PALS2: variants seen among roughly 807,000 people sequenced by gnomAD.
PALS2 encodes protein associated with LIN7 2, MAGUK p55 family member, also known as protein PALS2.
A neutral mutation model predicts 61.6 loss-of-function variants in PALS2; 27 were observed. That is an observed-to-expected ratio of 0.44 (90% confidence interval 0.32 to 0.60). PALS2 has a LOEUF of 0.60. PALS2 is among the 20% of genes least tolerant of loss of function. PALS2 has a pLI of 0.05. For missense variants in PALS2, 554 were observed against 639.4 expected (o/e 0.87, Z 1.44); for synonymous variants, 236 against 218.6 (o/e 1.08, Z -0.70).
intron 3 of PALS2, among the ~76,000 whole-genome samples, chr7:24,642,861 T>A (rs1296232348): frequency 3.3e-5 from 5 of 152,142 alleles, no homozygotes; most frequent in African/African-American, 1.2e-4. Flanking sequence ...ATTTGGACTT[T>A]ATCGTAAGGA....
chr7:24,651,139 T>C (rs1786130788), intron 5 of PALS2, among the ~76,000 whole-genome samples: 1 of 152,124 alleles, frequency 6.6e-6, no homozygotes, highest in Non-Finnish European at 1.5e-5. Flanking sequence ...AGAGGATGGG[T>C]ATAAAGAAAA....
intron 2 of PALS2, among the ~76,000 whole-genome samples, chr7:24,640,200 A>G (rs1785452315): frequency 6.7e-6 from 1 of 149,854 alleles, no homozygotes; most frequent in Admixed American, 6.6e-5. Flanking sequence ...GTTTAGTAAG[A>G]GTTTTTTCTT....
In PALS2 at chr7:24,581,176, C is replaced by T. The variant is rs529539085; in HGVS notation, c.-3+7583C>T. Among the ~76,000 whole-genome samples, 6 of 152,048 alleles carry T rather than the reference C, an allele frequency of 3.9e-5. No homozygotes were observed. The East Asian group carries it at 7.7e-4, about 20-fold the overall frequency. ...GTGGCTTCTGGCATTCCTTGGCTTG[C>T]GGCTACACACTGCAGTCTTCAAGGC... is the stretch of plus-strand genomic sequence containing the variant. On this transcript the variant is annotated intron_variant, in intron 1 of 11. Coordinates refer to ENST00000222644, the MANE Select transcript of PALS2 (RefSeq NM_001303037.2).
chr7:24,665,618 G>A lies in PALS2; in HGVS notation c.814G>A (p.Gly272Ser). 6.2e-7 allele frequency: 1 copy of A among 1,613,682 alleles called. No homozygotes were observed. The change falls in exon 7 of 12, where the codon GGT becomes AGT. Residue 272 changes from glycine (G) to serine (S), a missense_variant. Transcript: ENST00000222644. The part of the protein sequence containing the change: ...ASHVKEGGSA[G>S]LIPSQFLEEK... Reference sequence around the variant, plus strand: ...CCATGTAAAAGAGGGAGGAAGCGCTGGTCTCATTCCAAGCCAGTTCCTGGA... The same window carrying A: ...CCATGTAAAAGAGGGAGGAAGCGCTAGTCTCATTCCAAGCCAGTTCCTGGA...
intron 8 of PALS2, 68 bp from the exon 9 acceptor site, chr7:24,668,431 A>G: frequency 7.1e-7 from 1 of 1,415,142 alleles, no homozygotes; most frequent in Non-Finnish European, 9.7e-7. Flanking sequence ...ATTACTAGAC[A>G]GAATTGCAGA....
chr7:24,613,048 G>A (rs2128052733), intron 1 of PALS2, among the ~76,000 whole-genome samples: 1 of 151,794 alleles, frequency 6.6e-6, no homozygotes, highest in African/African-American at 2.4e-5. Flanking sequence ...GCATTGAGAT[G>A]AGTTTGGGTT....
rs923927916 is a variant in PALS2 at position 24,674,450 on chromosome 7, A to G, written c.1115-4681A>G. 3 of 153,092 alleles carry G rather than the reference A, an allele frequency of 2.0e-5. No individual in the cohort carries two copies. The East Asian group carries it at 5.8e-4, about 29-fold the overall frequency. 9.5% of individuals were successfully genotyped at this position (153,092 alleles called of 1,614,324 possible). A position where few individuals can be genotyped will look rare whatever the true frequency, so the allele number is the denominator to read the frequency against. On this transcript the variant is annotated intron_variant, in intron 9 of 11. Transcript: ENST00000222644. Reference sequence around the variant, plus strand: ...CTTTTTCCCATCAGTAGCTTTTAAGACAATTATCAAGGGCTTAAAGCCCTC... The same window carrying G: ...CTTTTTCCCATCAGTAGCTTTTAAGGCAATTATCAAGGGCTTAAAGCCCTC...
chr7:24,612,092 A>G (rs370353611), intron 1 of PALS2, among the ~76,000 whole-genome samples: 2 of 151,936 alleles, frequency 1.3e-5, no homozygotes, highest in African/African-American at 4.8e-5. Context: ...ATACTTTTGA[A>G]TATTTTTGTA....
intron 3 of PALS2, among the ~76,000 whole-genome samples, chr7:24,645,035 G>A (rs1298753542): frequency 2.0e-5 from 3 of 152,034 alleles, no homozygotes; most frequent in Non-Finnish European, 4.4e-5. Flanking sequence ...CTGGATACTA[G>A]ACATTTGTCA....
rs891690426 is a variant in PALS2, at chr7:24,690,135, A to G, written c.*2521A>G. 2.0e-5 allele frequency: 3 copies of G among 152,202 alleles called. No homozygotes were observed. The highest frequency in any genetic ancestry group is 2.1e-4 in the South Asian group (1 of 4,824). The allele number at this position is 152,202 out of a possible 1,614,324, so 9.4% of individuals were successfully genotyped here. On this transcript the variant is annotated 3_prime_UTR_variant, in exon 12 of 12. Transcript: ENST00000222644. ...AAAATGAAATGATGCAGTTTAGTTC[A>G]TTTCAGTCTAGATGCCCGTACTAAC...
At chr7:24,591,010 C>T (rs1196033192) in intron 1 of PALS2, among the ~76,000 whole-genome samples, 1 of 152,018 alleles carries the variant, frequency 6.6e-6, no homozygotes, top group African/African-American at 2.4e-5. Flanking sequence ...TTCTGGTTTG[C>T]TAATCTCTTT....
chr7:24,691,389 A>ATGTGTGTGTGTGTGTGTGTG lies in PALS2; in HGVS notation c.*3792_*3793insGTGTGTGTGTGTGTGTGTGT, dbSNP rs143537632. 2.2e-4 allele frequency: 19 copies of ATGTGTGTGTGTGTGTGTGTG among 87,694 alleles called. No individual in the cohort carries two copies. The highest frequency in any genetic ancestry group is 5.4e-4 in the African/African-American group (12 of 22,396). 5.4% of individuals were successfully genotyped at this position (87,694 alleles called of 1,614,324 possible). A position where few individuals can be genotyped will look rare whatever the true frequency, so the allele number is the denominator to read the frequency against. ...ATGTTCGAGTTGCCATATATTATGTATGTGTGTGTGTGTGTGTATATATAT... is the reference window on the plus strand; with the variant it reads ...ATGTTCGAGTTGCCATATATTATGTATGTGTGTGTGTGTGTGTGTGTGTGTGTGTGTGTGTGTATATATAT... On this transcript the variant is annotated 3_prime_UTR_variant, in exon 12 of 12. Transcript: ENST00000222644.
intron 2 of PALS2, among the ~76,000 whole-genome samples, chr7:24,638,946 T>A (rs2128069056): frequency 6.6e-6 from 1 of 152,340 alleles, no homozygotes; most frequent in Middle Eastern, 3.4e-3. Context: ...CTGTTGCTGA[T>A]CATATAACAT....
In PALS2 at chr7:24,691,405, G is replaced by GTGTA. The variant is rs1274329385; in HGVS notation, c.*3792_*3793insGTAT. The stretch of plus-strand genomic sequence containing the variant: ...ATATTATGTATGTGTGTGTGTGTGT[G>GTGTA]TATATATATATATATATATATATAT... On this transcript the variant is annotated 3_prime_UTR_variant, in exon 12 of 12. Coordinates refer to ENST00000222644, the MANE Select transcript of PALS2 (RefSeq NM_001303037.2). 1.9e-4 allele frequency: 21 copies of GTGTA among 110,592 alleles called. No individual in the cohort carries two copies. The highest frequency in any genetic ancestry group is 6.6e-4 in the South Asian group (2 of 3,016). 6.9% of individuals were successfully genotyped at this position (110,592 alleles called of 1,614,324 possible).
At chr7:24,594,293 C>G (rs1783417812) in intron 1 of PALS2, among the ~76,000 whole-genome samples, 1 of 152,092 alleles carries the variant, frequency 6.6e-6, no homozygotes, top group South Asian at 2.1e-4. Flanking sequence ...GATCTCCAGA[C>G]CACTCAAACT....
At chr7:24,600,066 C>T (rs2128047009) in intron 1 of PALS2, among the ~76,000 whole-genome samples, 1 of 152,196 alleles carries the variant, frequency 6.6e-6, no homozygotes, top group Admixed American at 6.5e-5. Context: ...TCACTCTTTT[C>T]AGAAATCTGT....
At chr7:24,659,911 T>G (rs1786626660) in intron 5 of PALS2, among the ~76,000 whole-genome samples, 1 of 152,202 alleles carries the variant, frequency 6.6e-6, no homozygotes, top group African/African-American at 2.4e-5. Context: ...CCATGCACTG[T>G]AACCACCTTG....
chr7:24,678,886 T>C (rs974771229), intron 9 of PALS2, among the ~76,000 whole-genome samples: 6 of 152,168 alleles, frequency 3.9e-5, no homozygotes, highest in African/African-American at 1.4e-4. Context: ...TCGCAGTCCA[T>C]ACAGTCTGTC....
chr7:24,625,266 A>G (rs1784693361), intron 2 of PALS2, among the ~76,000 whole-genome samples: 1 of 151,996 alleles, frequency 6.6e-6, no homozygotes, highest in Admixed American at 6.6e-5. Context: ...GTTGATTGTC[A>G]GTTATTGTCC....
Sources: allele counts gnomAD v4.1 joint callset (sites outside exome capture counted in the v4.1 genomes callset), GRCh38; gene constraint gnomAD v4.1.1; transcripts MANE v1.5; gene names NCBI Gene and HGNC (gene_info 2026-07-23, HGNC 2026-07-21).